Variants in CDH11 observed in about 807,000 individuals in gnomAD.
The protein encoded by CDH11 is cadherin-11.
CDH11 carries 11 observed loss-of-function variants against 67.8 expected under a neutral mutation model. The ratio of observed to expected loss-of-function variants is 0.16; its 90% CI spans 0.10 to 0.27. The LOEUF (loss-of-function observed/expected upper bound fraction) is 0.27, where lower values mean the gene tolerates loss of function less well. Ranked by LOEUF, CDH11 falls within the 10% of genes least tolerant of loss-of-function variation. The probability of loss-of-function intolerance (pLI) is 1.00; values close to 1 mark genes in which losing one functional copy is unlikely to be tolerated. For missense variants in CDH11, 847 were observed against 1,031.2 expected (o/e 0.82, Z 2.45); for synonymous variants, 419 against 400.0 (o/e 1.05, Z -0.57).
In CDH11 at chr16:65,097,020, T is replaced by C. The variant is rs536622567; in HGVS notation, c.-298+24860A>G. 1.2e-4 allele frequency among the ~76,000 whole-genome samples: 18 copies of C among 152,308 alleles called. No homozygotes were observed. In the South Asian group the frequency reaches 3.7e-3, roughly 32 times the overall value. ...ACAGTAGTCTATTATTATGTTTTGATAAAGGCATCATTGCAGAAGACTATG... is the reference window on the plus strand; with the variant it reads ...ACAGTAGTCTATTATTATGTTTTGACAAAGGCATCATTGCAGAAGACTATG... On this transcript the variant is annotated intron_variant, in intron 1 of 12. Transcript: ENST00000268603.
intron 3 of CDH11, among the ~76,000 whole-genome samples, chr16:65,002,037 T>C (rs930495688): frequency 6.6e-6 from 1 of 152,190 alleles, no homozygotes; most frequent in Admixed American, 6.5e-5. Flanking sequence ...TCAAAGGTTG[T>C]TAGGAAATAA....
At chr16:65,084,054 C>T (rs983724278) in intron 1 of CDH11, among the ~76,000 whole-genome samples, 2 of 152,120 alleles carry the variant, frequency 1.3e-5, no homozygotes, top group African/African-American at 2.4e-5. Flanking sequence ...ACAATGTACA[C>T]GACAGTCCCC....
intron 11 of CDH11, among the ~76,000 whole-genome samples, chr16:64,956,728 C>A (rs1218601832): frequency 1.3e-5 from 2 of 152,160 alleles, no homozygotes; most frequent in Admixed American, 6.5e-5. Flanking sequence ...TTTAGTCCAA[C>A]CTGGACTCCT....
At chr16:65,122,379 T>C (rs749406057), upstream of CDH11, 3 of 206,114 alleles carry the variant, frequency 1.5e-5, no homozygotes, top group South Asian at 1.3e-4. Flanking sequence ...GCGACTGAAG[T>C]TGGGCTCCAG....
intron 1 of CDH11, among the ~76,000 whole-genome samples, chr16:65,057,969 T>G (rs1301084818): frequency 6.6e-6 from 1 of 152,168 alleles, no homozygotes; most frequent in East Asian, 1.9e-4. Flanking sequence ...CTGCAGTGGC[T>G]CATGCCTGTA....
chr16:64,996,999 T>C (rs2072785890), intron 4 of CDH11, among the ~76,000 whole-genome samples: 2 of 151,870 alleles, frequency 1.3e-5, no homozygotes, highest in Non-Finnish European at 2.9e-5. Flanking sequence ...GTATATTCAC[T>C]CAATAAACCT....
At chr16:65,052,285 G>A (rs1011234509) in intron 2 of CDH11, among the ~76,000 whole-genome samples, 4 of 152,206 alleles carry the variant, frequency 2.6e-5, no homozygotes, top group Non-Finnish European at 4.4e-5. Context: ...GGTCTAGCTG[G>A]GAAGACAGAC....
At chr16:64,977,842 T>C (rs1018742950) in intron 8 of CDH11, among the ~76,000 whole-genome samples, 5 of 152,206 alleles carry the variant, frequency 3.3e-5, no homozygotes, top group South Asian at 2.1e-4. Flanking sequence ...GAAATAACTT[T>C]GTAAAACCTG....
chr16:64,989,475 G>A (rs1423750367), intron 6 of CDH11, among the ~76,000 whole-genome samples: 1 of 152,164 alleles, frequency 6.6e-6, no homozygotes, highest in African/African-American at 2.4e-5. Context: ...AATGACTGAG[G>A]AAGACAATGA....
At position 65,121,826 on chromosome 16, in the gene CDH11, C is replaced by G. The variant is rs943424615; in HGVS notation, c.-298+54G>C. On this transcript the variant is annotated intron_variant, in intron 1 of 12. Transcript: ENST00000268603. This position sits in a 1 kb window ranked among gnomAD's most constrained non-coding sequence, Gnocchi z 4.1. ...TCTCTTCCTGAGAAAATCCTGCCCC[C>G]CATTCCAAGAAGCCCCAACCAGGCG... 7 of 701,734 alleles carry G rather than the reference C, an allele frequency of 1.0e-5. No homozygotes were observed. The highest frequency in any genetic ancestry group is 1.6e-5 in the Non-Finnish European group (6 of 384,538). 43.5% of individuals were successfully genotyped at this position (701,734 alleles called of 1,614,324 possible).
intron 11 of CDH11, among the ~76,000 whole-genome samples, chr16:64,960,467 G>A (rs1398030748): frequency 1.3e-5 from 2 of 152,108 alleles, no homozygotes; most frequent in African/African-American, 4.8e-5. Flanking sequence ...TATACGGTTA[G>A]AATTCAGAGT....
At position 64,947,436 on chromosome 16, in the gene CDH11, T is replaced by C. The variant is rs2071223127; in HGVS notation, c.*167A>G. On this transcript the variant is annotated 3_prime_UTR_variant, in exon 13 of 13. Coordinates refer to ENST00000268603, the MANE Select transcript of CDH11 (RefSeq NM_001797.4). ...TTGTGAGAAAAGGTATTTCACAGTA[T>C]TTACCACTTTGATGTCCTCGCAGTT... The C allele has an allele frequency of 7.0e-7, 1 of 1,427,262 alleles. No homozygotes were observed. The highest frequency in any genetic ancestry group is 9.2e-7 in the Non-Finnish European group (1 of 1,091,498). The allele number at this position is 1,427,262 out of a possible 1,614,324, so 88.4% of individuals were successfully genotyped here. A position where few individuals can be genotyped will look rare whatever the true frequency, so the allele number is the denominator to read the frequency against.
intron 1 of CDH11, among the ~76,000 whole-genome samples, chr16:65,120,706 T>G (rs940290473): frequency 2.0e-5 from 3 of 152,178 alleles, no homozygotes; most frequent in African/African-American, 7.2e-5. Flanking sequence ...TACTGCATTA[T>G]CAGCAAAAGC....
chr16:65,063,932 C>G (rs2142747821), intron 1 of CDH11, among the ~76,000 whole-genome samples: 1 of 152,308 alleles, frequency 6.6e-6, no homozygotes, highest in Admixed American at 6.5e-5. Context: ...TCCAACCACA[C>G]TTCAGGAAAC....
chr16:65,103,761 A>G (rs1035596467), intron 1 of CDH11, among the ~76,000 whole-genome samples: 1 of 152,202 alleles, frequency 6.6e-6, no homozygotes, highest in Non-Finnish European at 1.5e-5. Flanking sequence ...ACTGAGATGC[A>G]TTAGTATAAA....
intron 3 of CDH11, among the ~76,000 whole-genome samples, chr16:65,003,215 C>A (rs2072967050): frequency 6.6e-6 from 1 of 150,950 alleles, no homozygotes; most frequent in African/African-American, 2.4e-5. Flanking sequence ...TTAATATTAA[C>A]TGGCATTGTT....
chr16:65,097,831 A>C (rs957774247), intron 1 of CDH11, among the ~76,000 whole-genome samples: 1 of 152,152 alleles, frequency 6.6e-6, no homozygotes, highest in African/African-American at 2.4e-5. Context: ...CAGAAAAGTT[A>C]AGATAAAAAA....
chr16:64,993,234 C>CTTCCTTCCTTCCTTCCTTCT (rs1466004600), intron 4 of CDH11, among the ~76,000 whole-genome samples, 200 bp from the exon 5 acceptor site: 21 of 147,704 alleles, frequency 1.4e-4, no homozygotes, highest in African/African-American at 5.0e-4. Flanking sequence ...TCCTTCCTTC[C>CTTCCTTCCTTCCTTCCTTCT]TGCTCTATAA....
At chr16:65,110,217 A>G (rs1454134353) in intron 1 of CDH11, among the ~76,000 whole-genome samples, 1 of 152,136 alleles carries the variant, frequency 6.6e-6, no homozygotes, top group Non-Finnish European at 1.5e-5. Context: ...CTTACACCCT[A>G]TCTGACTCTC....
Sources: gnomAD v4.1 joint callset for allele counts (sites outside exome capture counted in the v4.1 genomes callset) on GRCh38, gnomAD v4.1.1 for gene constraint, Gnocchi (gnomAD v3.1) non-coding constraint, MANE v1.5 for transcripts, NCBI Gene and HGNC (gene_info 2026-07-23, HGNC 2026-07-21) for gene names.